UGT1A6: variants seen among roughly 807,000 people sequenced by gnomAD.
The protein encoded by UGT1A6 is UDP-glucuronosyltransferase 1A6.
Under a neutral mutation model 44.4 loss-of-function variants are expected in UGT1A6, and 32 were observed. The observed-to-expected ratio is 0.72, with a 90% confidence interval of 0.54 to 0.97. The LOEUF is 0.97. UGT1A6 is among the 50% of genes least tolerant of loss of function. UGT1A6 has a pLI of 0.00. For synonymous variants in UGT1A6, 238 were observed against 248.5 expected, an observed-to-expected ratio of 0.96 and a Z score of 0.40; for missense variants, 685 against 661.9, an observed-to-expected ratio of 1.03 and a Z score of -0.38.
intron 1 of UGT1A6, chr2:233,755,082 TCGCGTTTCTA>T (rs745681833): frequency 9.0e-6 from 12 of 1,336,714 alleles, no homozygotes; most frequent in Middle Eastern, 2.1e-4. Context: ...GTCATAGATA[TCGCGTTTCTA>T]CGCGTCCGAC....
chr2:233,741,106 A>T (rs1691567607), intron 1 of UGT1A6, among the ~76,000 whole-genome samples: 2 of 151,792 alleles, frequency 1.3e-5, no homozygotes. Context: ...CAGACAATCA[A>T]GCTTTACACT....
Position 233,768,419 on chromosome 2 carries a change from A to G in UGT1A6, c.1281A>G (p.Lys427=), listed in dbSNP as rs766292651. ...CTGAAGATTTAGAAAATGCTCTAAA[A>G]GCAGTCATCAATGACAAAAGGTAAG... The part of the protein sequence containing the change: ...MTSEDLENAL[K]AVINDKSYKE... Residue 427 remains lysine (K), a synonymous_variant, in exon 4 of 5, where the codon AAA becomes AAG. Transcript: ENST00000305139. 1 of 1,614,170 alleles carries G rather than the reference A, an allele frequency of 6.2e-7. No individual in the cohort carries two copies. Among genetic ancestry groups the G allele is most frequent in the Non-Finnish European group, 8.5e-7 (1 of 1,180,020 alleles).
chr2:233,695,287 A>G (rs775200577), intron 1 of UGT1A6, among the ~76,000 whole-genome samples: 12 of 151,764 alleles, frequency 7.9e-5, no homozygotes, highest in Non-Finnish European at 8.8e-5. Flanking sequence ...CACCATTCCC[A>G]GCTAATTTTT....
intron 1 of UGT1A6, among the ~76,000 whole-genome samples, chr2:233,715,664 C>T (rs547065992): frequency 3.3e-5 from 5 of 152,030 alleles, no homozygotes; most frequent in African/African-American, 4.8e-5. Context: ...CCCAGCTACT[C>T]GGGAGGCTGA....
At chr2:233,713,137 G>T (rs369417360) in intron 1 of UGT1A6, 1 of 1,614,192 alleles carries the variant, frequency 6.2e-7, no homozygotes, top group African/African-American at 1.3e-5. Flanking sequence ...GAGGCCTTGC[G>T]GGACCTCCAT....
intron 1 of UGT1A6, chr2:233,713,918 A>G (rs1452399293): frequency 2.5e-6 from 4 of 1,612,224 alleles, no homozygotes; most frequent in Non-Finnish European, 3.4e-6. Context: ...TAAAAAATGT[A>G]TTTACTTACA....
rs200041554 is a variant in UGT1A6, at chr2:233,772,747, T to C, written c.*188T>C. The C allele has an allele frequency of 7.0e-7, 1 of 1,423,162 alleles. No individual in the cohort carries two copies. Among genetic ancestry groups the C allele is most frequent in the South Asian group, 1.5e-5 (1 of 67,222 alleles). The allele number at this position is 1,423,162 out of a possible 1,614,324, so 88.2% of individuals were successfully genotyped here. A position where few individuals can be genotyped will look rare whatever the true frequency, so the allele number is the denominator to read the frequency against. On this transcript the variant is annotated 3_prime_UTR_variant, in exon 5 of 5. Coordinates refer to ENST00000305139, the MANE Select transcript of UGT1A6 (RefSeq NM_001072.4). ...TAGACTCGCTAGTCAGTAAAGATAT[T>C]TGAATATGTATCGTGCCCCCTCTGG...
chr2:233,712,903 T>G (rs2076260493), intron 1 of UGT1A6: 18 of 1,609,700 alleles, frequency 1.1e-5, no homozygotes, highest in Non-Finnish European at 1.4e-5. Context: ...TTGCTAGGTG[T>G]CTCAGTGACA....
chr2:233,700,872 C>T (rs2075594705), intron 1 of UGT1A6, among the ~76,000 whole-genome samples: 1 of 152,050 alleles, frequency 6.6e-6, no homozygotes, highest in African/African-American at 2.4e-5. Flanking sequence ...TCCCTCCCTC[C>T]TCCCCCCACC....
intron 1 of UGT1A6, among the ~76,000 whole-genome samples, chr2:233,716,440 T>G (rs1338804763): frequency 6.6e-6 from 1 of 152,154 alleles, no homozygotes. Flanking sequence ...AGGTTTTCCT[T>G]CATTTGGCCA....
At chr2:233,728,979 T>C (rs55781538) in intron 1 of UGT1A6, 30,148 of 1,500,164 alleles carry the variant, frequency 0.02, 353 homozygotes, top group Non-Finnish European at 0.023. Context: ...AGATTAATGG[T>C]TAATAATTAA....
intron 1 of UGT1A6, chr2:233,718,823 G>A (rs1052666915): frequency 1.2e-6 from 2 of 1,613,376 alleles, no homozygotes; most frequent in African/African-American, 2.7e-5. Context: ...CTGCTGAGAT[G>A]GCCAGAGGAC....
At position 233,725,224 on chromosome 2, in the gene UGT1A6, CAGAGGCAGA is replaced by C. The variant is rs1559370411; in HGVS notation, c.861+31360_861+31368del. On this transcript the variant is annotated intron_variant, in intron 1 of 4. Transcript: ENST00000305139. ...GAGGCAGAGGCAGAGGCAGAGGAGG[CAGAGGCAGA>C]GGAGGCAGAGGCAGAGGAGGCAGAG... Among the ~76,000 whole-genome samples the C allele has an allele frequency of 9.6e-4, 83 of 86,752 alleles. 33 individuals carry two copies. The highest frequency in any genetic ancestry group is 6.1e-3 in the African/African-American group (72 of 11,874). The allele number at this position is 86,752 out of a possible 152,430, so 56.9% of individuals were successfully genotyped here. A position where few individuals can be genotyped will look rare whatever the true frequency, so the allele number is the denominator to read the frequency against.
intron 1 of UGT1A6, among the ~76,000 whole-genome samples, chr2:233,738,491 G>C (rs113157638): frequency 5.3e-5 from 8 of 152,298 alleles, no homozygotes; most frequent in African/African-American, 1.9e-4. Flanking sequence ...CTTGTTGAAC[G>C]GTTTTGACCA....
At chr2:233,697,498 TTATC>T (rs2075395105) in intron 1 of UGT1A6, among the ~76,000 whole-genome samples, 1 of 151,666 alleles carries the variant, frequency 6.6e-6, no homozygotes, top group African/African-American at 2.4e-5. Flanking sequence ...CCAATTTTGT[TTATC>T]TTTTTTTTTT....
chr2:233,723,946 G>C (rs1413540924), intron 1 of UGT1A6, among the ~76,000 whole-genome samples: 2 of 53,094 alleles, frequency 3.8e-5, no homozygotes, highest in Non-Finnish European at 6.6e-5. Flanking sequence ...ACACAGACAC[G>C]GCAACCATCC....
chr2:233,753,489 A>C (rs964194118), intron 1 of UGT1A6: 3 of 151,990 alleles, frequency 2.0e-5, no homozygotes, highest in African/African-American at 7.3e-5. Context: ...TGCTGCTCTT[A>C]ATTTTTTTCA....
intron 1 of UGT1A6, chr2:233,754,267 A>C (rs1695437171): frequency 5.7e-6 from 1 of 176,798 alleles, no homozygotes; most frequent in African/African-American, 2.4e-5. Flanking sequence ...GTAAGGCTCA[A>C]AGTGCTGAGA....
At chr2:233,760,175 C>T (rs2125979710) in intron 1 of UGT1A6, 1 of 1,540,768 alleles carries the variant, frequency 6.5e-7, no homozygotes, top group Non-Finnish European at 8.7e-7. Flanking sequence ...GGACTGACAG[C>T]TTTTTATAGT....
Sources: allele counts gnomAD v4.1 joint callset (sites outside exome capture counted in the v4.1 genomes callset), GRCh38; gene constraint gnomAD v4.1.1; transcripts MANE v1.5; gene names NCBI Gene and HGNC (gene_info 2026-07-23, HGNC 2026-07-21).